The following TFEB variants were observed in gnomAD, a reference collection of about 807,000 sequenced individuals.
TFEB encodes T-cell transcription factor EB.
A neutral mutation model predicts 48.0 loss-of-function variants in TFEB; 12 were observed. The ratio of observed to expected loss-of-function variants is 0.25; its 90% CI spans 0.16 to 0.40. The LOEUF is 0.40. TFEB is among the 10% of genes least tolerant of loss of function. The probability of loss-of-function intolerance (pLI) is 1.00; values close to 1 mark genes in which losing one functional copy is unlikely to be tolerated. For missense variants in TFEB, 509 were observed against 640.3 expected (o/e 0.79, Z 2.21); for synonymous variants, 244 against 261.4 (o/e 0.93, Z 0.64).
intron 1 of TFEB, among the ~76,000 whole-genome samples, chr6:41,717,530 T>C (rs1156676200): frequency 6.6e-6 from 1 of 152,176 alleles, no homozygotes; most frequent in Non-Finnish European, 1.5e-5. Context: ...GGAAATGGAA[T>C]TAACTTGCTA....
In TFEB at chr6:41,684,058, C is replaced by T. The variant is rs1385876981; in HGVS notation, c.*541G>A. 1 of 230,094 alleles carries T rather than the reference C, an allele frequency of 4.3e-6. No homozygotes were observed. The highest frequency in any genetic ancestry group is 6.2e-5 in the East Asian group (1 of 16,190). The allele number at this position is 230,094 out of a possible 1,614,324, so 14.3% of individuals were successfully genotyped here. A position where few individuals can be genotyped will look rare whatever the true frequency, so the allele number is the denominator to read the frequency against. ...CTTCCGGCAGTGACCCCTCCCGCTT[C>T]TGGCAGCCCCCGCGCTCACACCACC... On this transcript the variant is annotated 3_prime_UTR_variant, in exon 9 of 9. Transcript: ENST00000373033.
At chr6:41,703,701 G>T (rs1354745602) in intron 1 of TFEB, among the ~76,000 whole-genome samples, 1 of 152,230 alleles carries the variant, frequency 6.6e-6, no homozygotes, top group Non-Finnish European at 1.5e-5. Flanking sequence ...CACAGAAGGT[G>T]GCCTGTTTTC....
In TFEB at chr6:41,723,895, G is replaced by C. The variant is rs748037372; in HGVS notation, c.-23+11455C>G. 3 of 510,466 alleles carry C rather than the reference G, an allele frequency of 5.9e-6. No homozygotes were observed. Among genetic ancestry groups the C allele is most frequent in the South Asian group, 4.3e-5 (3 of 69,762 alleles). The allele number at this position is 510,466 out of a possible 1,614,324, so 31.6% of individuals were successfully genotyped here. On this transcript the variant is annotated intron_variant, in intron 1 of 8. Transcript: ENST00000373033. This position sits in a 1 kb window ranked among gnomAD's most constrained non-coding sequence, Gnocchi z 6.0. ...TTTCGCCAGAGTCCCAATCCCACCAGGTCCAGGGTGGGCCTAACCCTAACC... is the reference window on the plus strand; with the variant it reads ...TTTCGCCAGAGTCCCAATCCCACCACGTCCAGGGTGGGCCTAACCCTAACC...
chr6:41,688,107 GAGC>G, intron 4 of TFEB, 79 bp from the exon 5 acceptor site: 1 of 1,524,850 alleles, frequency 6.6e-7, no homozygotes, highest in Non-Finnish European at 8.8e-7. Context: ...ATCATCCCAG[GAGC>G]AGTCCTTCCT....
intron 1 of TFEB, among the ~76,000 whole-genome samples, chr6:41,710,156 A>G (rs1403632528): frequency 6.6e-6 from 1 of 152,230 alleles, no homozygotes; most frequent in Non-Finnish European, 1.5e-5. Flanking sequence ...GTTGACAAAT[A>G]TAAAGTAAGA....
Position 41,685,027 on chromosome 6 carries a change from C to T in TFEB, c.1003G>A (p.Gly335Ser), listed in dbSNP as rs781108610. The change falls in exon 9 of 9, where the codon GGC becomes AGC. Residue 335 changes from glycine to serine, a missense_variant. This residue lies in a region of TFEB where 62 missense variants were observed against 90.2 expected (regional missense o/e 0.69). Coordinates refer to ENST00000373033, the MANE Select transcript of TFEB (RefSeq NM_001271944.2). Reference protein sequence around the residue: ...VHGLPTTSPSGMNMAELAQQV... With the variant: ...VHGLPTTSPSSMNMAELAQQV... The stretch of plus-strand genomic sequence containing the variant: ...TGGGCCAGCTCAGCCATGTTCATGC[C>T]GGACGGGGAGGTGGTAGGGAGGCCG... 51 of 1,496,656 alleles carry T rather than the reference C, an allele frequency of 3.4e-5. 2 individuals are homozygous for T. The South Asian group carries it at 4.0e-4, about 12-fold the overall frequency. The allele number at this position is 1,496,656 out of a possible 1,614,324, so 92.7% of individuals were successfully genotyped here.
chr6:41,713,060 T>C (rs1770556796), intron 1 of TFEB, among the ~76,000 whole-genome samples: 2 of 152,178 alleles, frequency 1.3e-5, no homozygotes, highest in South Asian at 4.1e-4. Flanking sequence ...GAGGGTGAAG[T>C]CTGCGGGGGC....
At chr6:41,690,149 G>A (rs1042573653) in intron 3 of TFEB, among the ~76,000 whole-genome samples, 1 of 145,066 alleles carries the variant, frequency 6.9e-6, no homozygotes, top group African/African-American at 2.6e-5. Flanking sequence ...TTTTTTTTTC[G>A]AGAAGGAGTC....
At chr6:41,736,034 G>T, upstream of TFEB, 1 of 1,391,758 alleles carries the variant, frequency 7.2e-7, no homozygotes, top group Non-Finnish European at 1.0e-6. Context: ...TTTTATCCCT[G>T]CCCCGATCAT....
rs758345276 is a variant in TFEB at position 41,691,144 on chromosome 6, G to A, written c.70C>T (p.Arg24Cys). ...TGCATGACAGCCTGTTGCTGCATGC[G>A]CTCCCGCTGCTCCTCCTGCTGCGCC... is the stretch of plus-strand genomic sequence containing the variant. ...EQAQQEEQRE[R>C]MQQQAVMHYM... Residue 24 changes from arginine (R) to cysteine (C), a missense_variant, in exon 2 of 9, where the codon CGC becomes TGC. By Grantham distance (180) the Arg-to-Cys change is radical. Transcript: ENST00000373033. The surrounding 1 kb of genome is among the most constrained non-coding windows in gnomAD (Gnocchi z 5.2). 9 of 1,588,342 alleles carry A rather than the reference G, an allele frequency of 5.7e-6. No individual in the cohort carries two copies. Among genetic ancestry groups the A allele is most frequent in the Non-Finnish European group, 6.0e-6 (7 of 1,165,668 alleles).
Position 41,734,208 on chromosome 6 carries a change from G to C in TFEB, c.-23+1142C>G. ...ACGGCTGGAGCTGAGGGGGGTTCGG[G>C]GGAAGGCGCAGCGGCCAGGGGCTGG... On this transcript the variant is annotated intron_variant, in intron 1 of 8. Coordinates refer to ENST00000373033, the MANE Select transcript of TFEB (RefSeq NM_001271944.2). The surrounding 1 kb of genome is among the most constrained non-coding windows in gnomAD (Gnocchi z 4.0). The C allele has an allele frequency of 3.1e-6, 1 of 321,732 alleles. No individual in the cohort carries two copies. The highest frequency in any genetic ancestry group is 1.2e-4 in the South Asian group (1 of 8,204). 19.9% of individuals were successfully genotyped at this position (321,732 alleles called of 1,614,324 possible).
intron 1 of TFEB, among the ~76,000 whole-genome samples, chr6:41,731,183 G>A (rs1275542974): frequency 1.3e-5 from 2 of 152,158 alleles, no homozygotes; most frequent in Admixed American, 6.5e-5. Context: ...CTAGTAGGTG[G>A]GTGCTGCAAG....
Position 41,734,290 on chromosome 6 carries a change from C to G in TFEB, c.-23+1060G>C. 3 of 964,398 alleles carry G rather than the reference C, an allele frequency of 3.1e-6. No homozygotes were observed. Among genetic ancestry groups the G allele is most frequent in the Non-Finnish European group, 3.7e-6 (3 of 810,970 alleles). 59.7% of individuals were successfully genotyped at this position (964,398 alleles called of 1,614,324 possible). ...CGGGGTTCGCGCAGACAAGCCCCGC[C>G]CCGGGCTCCCTCCCTTCCTCACCCG... On this transcript the variant is annotated intron_variant, in intron 1 of 8. Coordinates refer to ENST00000373033, the MANE Select transcript of TFEB (RefSeq NM_001271944.2). This position sits in a 1 kb window ranked among gnomAD's most constrained non-coding sequence, Gnocchi z 4.0.
intron 1 of TFEB, among the ~76,000 whole-genome samples, chr6:41,718,178 TG>T (rs1364537239): frequency 6.8e-6 from 1 of 147,342 alleles, no homozygotes; most frequent in Non-Finnish European, 1.5e-5. Context: ...ATTTGAATTT[TG>T]GGGGTGTTTT....
At chr6:41,695,730 G>T (rs1045182956) in intron 1 of TFEB, among the ~76,000 whole-genome samples, 2 of 152,206 alleles carry the variant, frequency 1.3e-5, no homozygotes, top group African/African-American at 4.8e-5. Flanking sequence ...GATAAAGAGG[G>T]ATTTTTATAG....
intron 1 of TFEB, among the ~76,000 whole-genome samples, chr6:41,718,138 C>A (rs1247070045): frequency 6.6e-6 from 1 of 151,946 alleles, no homozygotes; most frequent in Non-Finnish European, 1.5e-5. Context: ...TACATCACCT[C>A]AAATACTTGT....
chr6:41,686,506 T>TTA, intron 7 of TFEB: 5 of 262,342 alleles, frequency 1.9e-5, no homozygotes, highest in South Asian at 9.8e-5. Flanking sequence ...CAGCCTACCT[T>TTA]TCTTTTTTTT....
At chr6:41,736,023 C>G, upstream of TFEB, 2 of 1,331,428 alleles carry the variant, frequency 1.5e-6, no homozygotes, top group Non-Finnish European at 2.2e-6. Flanking sequence ...GGATCTTGCA[C>G]TTTTATCCCT....
At chr6:41,714,718 C>T (rs570568844) in intron 1 of TFEB, among the ~76,000 whole-genome samples, 6 of 152,170 alleles carry the variant, frequency 3.9e-5, no homozygotes, top group Non-Finnish European at 7.3e-5. Context: ...ACTGGGGCAG[C>T]GCTGGAAGCT....
Sources: allele counts gnomAD v4.1 joint callset (sites outside exome capture counted in the v4.1 genomes callset), GRCh38; gene constraint gnomAD v4.1.1; regional missense constraint gnomAD v4.1.1; non-coding constraint Gnocchi (gnomAD v3.1); transcripts MANE v1.5; gene names NCBI Gene and HGNC (gene_info 2026-07-23, HGNC 2026-07-21).